The following PWP1 variants were observed in gnomAD, a reference collection of about 807,000 sequenced individuals.
PWP1 encodes the protein PWP1 homolog, endonuclein.
Under a neutral mutation model 69.9 loss-of-function variants are expected in PWP1, and 47 were observed. The ratio of observed to expected loss-of-function variants is 0.67; its 90% CI spans 0.53 to 0.86. PWP1 has a LOEUF of 0.86. Ranked by LOEUF, PWP1 falls within the 40% of genes least tolerant of loss-of-function variation. The probability of loss-of-function intolerance (pLI) is 0.00; values close to 1 mark genes in which losing one functional copy is unlikely to be tolerated. For synonymous variants in PWP1, 222 were observed against 208.2 expected, an observed-to-expected ratio of 1.07 and a Z score of -0.57; for missense variants, 551 against 608.8, an observed-to-expected ratio of 0.91 and a Z score of 1.00.
chr12:107,713,014 AC>A lies in PWP1; in HGVS notation c.*796del. 1 of 152,376 alleles carries A rather than the reference AC, an allele frequency of 6.6e-6. No homozygotes were observed. Among genetic ancestry groups the A allele is most frequent in the Non-Finnish European group, 1.5e-5 (1 of 68,042 alleles). 9.4% of individuals were successfully genotyped at this position (152,376 alleles called of 1,614,324 possible). A position where few individuals can be genotyped will look rare whatever the true frequency, so the allele number is the denominator to read the frequency against. On this transcript the variant is annotated 3_prime_UTR_variant, in exon 15 of 15. Transcript: ENST00000412830. ...TGCCAGAAGAGTAATCAGTTCATGA[AC>A]CATTGATATTTCCTGTATATTTCAT...
chr12:107,686,798 C>T (rs1202394617), intron 1 of PWP1, among the ~76,000 whole-genome samples: 1 of 152,024 alleles, frequency 6.6e-6, no homozygotes, highest in Non-Finnish European at 1.5e-5. Flanking sequence ...AACCCCGTCT[C>T]TACTAAAAAT....
Position 107,685,863 on chromosome 12 carries a change from C to G in PWP1, c.-37C>G, listed in dbSNP as rs767935901. 36 of 1,611,864 alleles carry G rather than the reference C, an allele frequency of 2.2e-5. No individual in the cohort carries two copies. The Admixed American group carries it at 6.0e-4, about 27-fold the overall frequency. ...CGGTCGTGGTCCCTCCCTATGCAGC[C>G]TGGTTTCTAGCGTGACACGCCCTTG... On this transcript the variant is annotated 5_prime_UTR_variant, in exon 1 of 15. Coordinates refer to ENST00000412830, the MANE Select transcript of PWP1 (RefSeq NM_007062.3).
intron 11 of PWP1, among the ~76,000 whole-genome samples, chr12:107,707,380 C>A (rs1464870043): frequency 6.6e-6 from 1 of 152,046 alleles, no homozygotes; most frequent in East Asian, 1.9e-4. Flanking sequence ...TAATTGAATA[C>A]CCTTTATTTC....
In PWP1 at chr12:107,685,853, C is replaced by T. The variant is rs919240335; in HGVS notation, c.-47C>T. The T allele has an allele frequency of 6.9e-6, 11 of 1,604,804 alleles. No homozygotes were observed. The highest frequency in any genetic ancestry group is 5.5e-5 in the South Asian group (5 of 90,880). On this transcript the variant is annotated 5_prime_UTR_variant, in exon 1 of 15. Transcript: ENST00000412830. ...GGCAGCAGTGCGGTCGTGGTCCCTCCCTATGCAGCCTGGTTTCTAGCGTGA... is the reference window on the plus strand; with the variant it reads ...GGCAGCAGTGCGGTCGTGGTCCCTCTCTATGCAGCCTGGTTTCTAGCGTGA...
In PWP1 at chr12:107,710,437, T is replaced by C. The variant is rs151235634; in HGVS notation, c.1323T>C (p.Asp441=). 12 of 1,613,560 alleles carry C rather than the reference T, an allele frequency of 7.4e-6. No individual in the cohort carries two copies. Among genetic ancestry groups the C allele is most frequent in the Non-Finnish European group, 1.0e-5 (12 of 1,179,744 alleles). ...GVLFCSSCCP[D]LPFIYAFGGQ... is the part of the protein sequence containing the mutation. The stretch of plus-strand genomic sequence containing the variant: ...TCTTCTGTTCTTCATGTTGCCCTGA[T>C]TTGCCATTTATTTATGCCTTTGGAG... The change falls in exon 14 of 15, where the codon GAT becomes GAC. Residue 441 remains aspartate (D), a synonymous_variant. Transcript: ENST00000412830.
intron 8 of PWP1, among the ~76,000 whole-genome samples, chr12:107,701,595 T>C (rs1384050718): frequency 6.6e-6 from 1 of 152,190 alleles, no homozygotes; most frequent in Non-Finnish European, 1.5e-5. Flanking sequence ...ATGATCCATT[T>C]TGAGTTTTTT....
chr12:107,708,987 C>T lies in PWP1; in HGVS notation c.1139C>T (p.Thr380Ile). ...LDARSDKPIF[T>I]LNAHNDEISG... is the part of the protein sequence containing the mutation. ...GCACGTTCAGATAAGCCAATTTTTA[C>T]ACTTAATGCACACAATGATGAAATC... The change falls in exon 12 of 15, where the codon ACA becomes ATA. Residue 380 changes from threonine (T) to isoleucine (I), a missense_variant. Coordinates refer to ENST00000412830, the MANE Select transcript of PWP1 (RefSeq NM_007062.3). 1.2e-5 allele frequency: 20 copies of T among 1,613,900 alleles called. No homozygotes were observed. The highest frequency in any genetic ancestry group is 1.7e-5 in the Non-Finnish European group (20 of 1,179,878).
At chr12:107,702,780 C>T (rs73187397) in intron 8 of PWP1, among the ~76,000 whole-genome samples, 155 bp from the exon 9 acceptor site, 10,393 of 152,148 alleles carry the variant, frequency 0.068, 422 homozygotes, top group South Asian at 0.1. Context: ...TCATAATCTT[C>T]GGTAGTTTTC....
chr12:107,688,675 G>A lies in PWP1; in HGVS notation c.192G>A (p.Gln64=). The A allele has an allele frequency of 1.2e-6, 2 of 1,614,200 alleles. No homozygotes were observed. The highest frequency in any genetic ancestry group is 1.7e-6 in the Non-Finnish European group (2 of 1,180,006). ...ETGSPSEDGM[Q]SARTQARPRE... is the part of the protein sequence containing the mutation. The stretch of plus-strand genomic sequence containing the variant: ...GCAGTCCTTCAGAAGATGGCATGCA[G>A]AGTGCACGCACCCAGGCACGCCCAA... The change falls in exon 3 of 15, where the codon CAG becomes CAA. Residue 64 remains glutamine (Q), a synonymous_variant. Coordinates refer to ENST00000412830, the MANE Select transcript of PWP1 (RefSeq NM_007062.3).
At position 107,696,473 on chromosome 12, in the gene PWP1, G is replaced by A. The variant is rs1349530159; in HGVS notation, c.503-1G>A. The A allele has an allele frequency of 2.5e-6, 4 of 1,612,356 alleles. No homozygotes were observed. In the Admixed American group the frequency reaches 6.7e-5, roughly 27 times the overall value. On this transcript the variant is annotated splice_acceptor_variant, in intron 5 of 14. Transcript: ENST00000412830. LOFTEE classifies it high-confidence loss of function. ...AAAGTCTCTTTTCCCAATCTTTTCA[G>A]TTTATAATCAAGAAGAAGACTCTTT...
chr12:107,709,169 C>T lies in PWP1; in HGVS notation c.1227C>T (p.Tyr409=), dbSNP rs367798858. ...TCGTGACTGCTTCAGCTGACAAATA[C>T]GTGAAGATCTGGGACATCTTAGGAG... The part of the protein sequence containing the change: ...GCLVTASADK[Y]VKIWDILGDR... The change falls in exon 13 of 15, where the codon TAC becomes TAT. Residue 409 remains tyrosine, a synonymous_variant. Transcript: ENST00000412830. 6.0e-5 allele frequency: 97 copies of T among 1,613,666 alleles called. No homozygotes were observed. The highest frequency in any genetic ancestry group is 2.9e-4 in the African/African-American group (22 of 74,888).
intron 14 of PWP1, among the ~76,000 whole-genome samples, chr12:107,711,567 G>A (rs554357319): frequency 3.3e-5 from 5 of 152,218 alleles, no homozygotes; most frequent in African/African-American, 9.6e-5. Context: ...CCAACTTTCC[G>A]GAAGGGGCCA....
At chr12:107,699,345 CA>C in intron 7 of PWP1, 27 bp from the exon 8 acceptor site, 1 of 1,571,722 alleles carries the variant, frequency 6.4e-7, no homozygotes, top group Non-Finnish European at 8.7e-7. Context: ...GACTTTAATA[CA>C]AAAAATAATT....
Position 107,688,438 on chromosome 12 carries a change from T to C in PWP1, c.73-10T>C, listed in dbSNP as rs1889416544. 2.5e-6 allele frequency: 4 copies of C among 1,598,084 alleles called. No homozygotes were observed. The highest frequency in any genetic ancestry group is 2.6e-6 in the Non-Finnish European group (3 of 1,175,576). On this transcript the variant is annotated splice_polypyrimidine_tract_variant and intron_variant, in intron 1 of 14. Transcript: ENST00000412830. ...ACACATATTGTAATGAAATCTTTGC[T>C]CTCTTACAGGTAGAGCTGAGTAAAG... is the stretch of plus-strand genomic sequence containing the variant.
intron 7 of PWP1, 46 bp downstream of exon 7, chr12:107,697,643 T>G (rs567402010): frequency 6.4e-7 from 1 of 1,563,768 alleles, no homozygotes; most frequent in Admixed American, 1.7e-5. Flanking sequence ...AGAGGTAAGT[T>G]TACTCGGGAG....
At chr12:107,686,907 A>G (rs991463766) in intron 1 of PWP1, among the ~76,000 whole-genome samples, 59 of 142,768 alleles carry the variant, frequency 4.1e-4, no homozygotes, top group African/African-American at 1.4e-3. Flanking sequence ...CGGAGCTTGC[A>G]GTGAGCCGAG....
chr12:107,709,839 TG>T lies in PWP1; in HGVS notation c.1291-565del, dbSNP rs569174043. On this transcript the variant is annotated intron_variant, in intron 13 of 14. Transcript: ENST00000412830. The stretch of plus-strand genomic sequence containing the variant: ...AAAAACAGGTTACAGAAGCAATTTT[TG>T]TAGTACCATCTCATGCTTATTTTTA... 3.6e-3 allele frequency among the ~76,000 whole-genome samples: 544 copies of T among 152,258 alleles called. 4 individuals carry two copies. The highest frequency in any genetic ancestry group is 0.012 in the African/African-American group (518 of 41,556).
chr12:107,689,408 G>C lies in PWP1; in HGVS notation c.319+606G>C, dbSNP rs191389641. The stretch of plus-strand genomic sequence containing the variant: ...TTGGAATGTATCCCCCGTGGATAAG[G>C]GGGGACTACTGCCTGCATTTTGAGA... On this transcript the variant is annotated intron_variant, in intron 3 of 14. Transcript: ENST00000412830. Among the ~76,000 whole-genome samples the C allele has an allele frequency of 2.6e-4, 40 of 152,272 alleles. 1 individual carries two copies. Among genetic ancestry groups the C allele is most frequent in the Middle Eastern group, 3.4e-3 (1 of 294 alleles).
In PWP1 at chr12:107,696,461, C is replaced by A. The variant is rs1194009808; in HGVS notation, c.503-13C>A. ...TTCTGATACATTAAAGTCTCTTTTC[C>A]CAATCTTTTCAGTTTATAATCAAGA... is the stretch of plus-strand genomic sequence containing the variant. On this transcript the variant is annotated splice_polypyrimidine_tract_variant and intron_variant, in intron 5 of 14. Transcript: ENST00000412830. 6.2e-7 allele frequency: 1 copy of A among 1,608,086 alleles called. No homozygotes were observed. The highest frequency in any genetic ancestry group is 1.3e-5 in the African/African-American group (1 of 74,560).
Sources: gnomAD v4.1 joint callset for allele counts (sites outside exome capture counted in the v4.1 genomes callset) on GRCh38, gnomAD v4.1.1 for gene constraint, MANE v1.5 for transcripts, NCBI Gene and HGNC (gene_info 2026-07-23, HGNC 2026-07-21) for gene names.